The following EXOG variants were observed in gnomAD, a reference collection of about 807,000 sequenced individuals.
EXOG encodes exo/endonuclease G, also known as nuclease EXOG, mitochondrial.
A neutral mutation model predicts 25.8 loss-of-function variants in EXOG; 27 were observed. That is an observed-to-expected ratio of 1.05 (90% CI 0.77 to 1.45). The LOEUF (loss-of-function observed/expected upper bound fraction) is 1.45, where lower values mean the gene tolerates loss of function less well. EXOG is among the 40% of genes most tolerant of loss of function. EXOG has a pLI of 0.00. For synonymous variants in EXOG, 133 were observed against 167.0 expected (o/e 0.80, Z 1.57); for missense variants, 458 against 450.5 (o/e 1.02, Z -0.15).
chr3:38,502,667 A>G (rs2060082959), intron 3 of EXOG, among the ~76,000 whole-genome samples: 1 of 152,206 alleles, frequency 6.6e-6, no homozygotes, highest in Admixed American at 6.5e-5. Flanking sequence ...CAGTAATATT[A>G]TCTAAAATAC....
At chr3:38,499,780 C>T in intron 2 of EXOG, 1 of 393,004 alleles carries the variant, frequency 2.5e-6, no homozygotes, top group Non-Finnish European at 5.0e-6. Flanking sequence ...AAAAGTATAT[C>T]TTTTAAAAAA....
intron 5 of EXOG, among the ~76,000 whole-genome samples, chr3:38,520,089 C>T (rs1424914333): frequency 2.6e-5 from 4 of 152,222 alleles, no homozygotes; most frequent in Non-Finnish European, 4.4e-5. Context: ...ATTTTTTCCT[C>T]TTGATGCTGC....
In EXOG at chr3:38,524,195, A is replaced by AG. The variant is rs1232856703; in HGVS notation, c.941dup (p.Ile316AspfsTer2). 1 of 1,614,202 alleles carries AG rather than the reference A, an allele frequency of 6.2e-7. No individual in the cohort carries two copies. The highest frequency in any genetic ancestry group is 1.7e-5 in the Admixed American group (1 of 60,024). On this transcript the variant is annotated frameshift_variant, in exon 6 of 6. Transcript: ENST00000287675. LOFTEE classifies it low-confidence loss of function (END_TRUNC). ...GGAGTTCACCTTGTACTTGAGTACA[A>AG]GAAAGATTGAAGGAGCCCGATCAGT...
chr3:38,501,809 G>A (rs1295966274), intron 3 of EXOG, among the ~76,000 whole-genome samples: 1 of 152,186 alleles, frequency 6.6e-6, no homozygotes, highest in East Asian at 1.9e-4. Flanking sequence ...ACAGTGGCTT[G>A]ATCTCGGCGC....
chr3:38,525,044 A>G lies in EXOG; in HGVS notation c.*682A>G. ...TTGTTTCTTTTTTCTCCTCTCATGA[A>G]TCTGCTCGTTTCTCTACTTCTGTCT... On this transcript the variant is annotated 3_prime_UTR_variant, in exon 6 of 6. Coordinates refer to ENST00000287675, the MANE Select transcript of EXOG (RefSeq NM_005107.4). 3 of 985,280 alleles carry G rather than the reference A, an allele frequency of 3.0e-6. No individual in the cohort carries two copies. The highest frequency in any genetic ancestry group is 4.7e-5 in the South Asian group (1 of 21,274). 61.0% of individuals were successfully genotyped at this position (985,280 alleles called of 1,614,324 possible). A position where few individuals can be genotyped will look rare whatever the true frequency, so the allele number is the denominator to read the frequency against.
At chr3:38,510,315 C>G (rs2060328742) in intron 5 of EXOG, among the ~76,000 whole-genome samples, 1 of 152,026 alleles carries the variant, frequency 6.6e-6, no homozygotes. Context: ...AGATTAGATC[C>G]TAGACCAGAA....
intron 4 of EXOG, among the ~76,000 whole-genome samples, chr3:38,505,757 C>T (rs2060184324): frequency 6.6e-6 from 1 of 151,800 alleles, no homozygotes; most frequent in Non-Finnish European, 1.5e-5. Context: ...GAGTTGGAGA[C>T]CAGTCTGGGC....
intron 2 of EXOG, among the ~76,000 whole-genome samples, chr3:38,499,146 C>G (rs1214819095): frequency 6.6e-6 from 1 of 152,014 alleles, no homozygotes. Context: ...TGTAAAAGTT[C>G]TTTTATTTAT....
intron 5 of EXOG, among the ~76,000 whole-genome samples, chr3:38,511,433 A>G (rs1049692513): frequency 6.6e-6 from 1 of 152,224 alleles, no homozygotes; most frequent in Non-Finnish European, 1.5e-5. Context: ...AGGAAACTTC[A>G]TTTATACTGA....
At chr3:38,503,914 A>G (rs1416596081) in intron 4 of EXOG, among the ~76,000 whole-genome samples, 1 of 152,234 alleles carries the variant, frequency 6.6e-6, no homozygotes, top group Non-Finnish European at 1.5e-5. Flanking sequence ...CATGTTTGCC[A>G]CTGTTCAAAA....
At chr3:38,502,802 A>G (rs1340408094) in intron 3 of EXOG, among the ~76,000 whole-genome samples, 2 of 152,144 alleles carry the variant, frequency 1.3e-5, no homozygotes, top group Admixed American at 6.5e-5. Context: ...TTTAATCTAG[A>G]ATGATTTCCC....
chr3:38,496,823 T>G, intron 1 of EXOG: 1 of 1,392,680 alleles, frequency 7.2e-7, no homozygotes. Flanking sequence ...TATGTTTTAA[T>G]GTCTGTGTTC....
Position 38,524,210 on chromosome 3 carries a change from GC to G in EXOG, c.958del (p.Arg320AspfsTer13), listed in dbSNP as rs1413764167. 6.2e-7 allele frequency: 1 copy of G among 1,614,036 alleles called. No homozygotes were observed. Among genetic ancestry groups the G allele is most frequent in the Non-Finnish European group, 8.5e-7 (1 of 1,180,010 alleles). On this transcript the variant is annotated frameshift_variant, in exon 6 of 6. Coordinates refer to ENST00000287675, the MANE Select transcript of EXOG (RefSeq NM_005107.4). LOFTEE classifies it low-confidence loss of function (END_TRUNC). Reference protein sequence around the residue: ...LYLSTRKIEGARSVLRLEKIM... With the variant: ...LYLSTRKIEGXRSVLRLEKIM... ...CTTGAGTACAAGAAAGATTGAAGGA[GC>G]CCGATCAGTGCTCAGACTGGAAAAG... is the stretch of plus-strand genomic sequence containing the variant.
chr3:38,509,877 TGAAA>T (rs2060314223), intron 5 of EXOG, among the ~76,000 whole-genome samples: 1 of 152,188 alleles, frequency 6.6e-6, no homozygotes, highest in African/African-American at 2.4e-5. Context: ...TTTGCGAGAA[TGAAA>T]GAGTTATACA....
At chr3:38,516,287 T>G (rs958090264) in intron 5 of EXOG, among the ~76,000 whole-genome samples, 3 of 152,200 alleles carry the variant, frequency 2.0e-5, no homozygotes, top group Non-Finnish European at 4.4e-5. Flanking sequence ...CTGGAAACCC[T>G]ACTTTAATCT....
chr3:38,524,470 T>G lies in EXOG; in HGVS notation c.*108T>G. The G allele has an allele frequency of 6.9e-7, 1 of 1,444,634 alleles. No homozygotes were observed. Among genetic ancestry groups the G allele is most frequent in the Non-Finnish European group, 9.1e-7 (1 of 1,099,808 alleles). 89.5% of individuals were successfully genotyped at this position (1,444,634 alleles called of 1,614,324 possible). A position where few individuals can be genotyped will look rare whatever the true frequency, so the allele number is the denominator to read the frequency against. ...TTTGCTTTTTAAAAAGTTTTTCTCT[T>G]TAAGAGATGTGGTCTCGCCGTGTCA... is the stretch of plus-strand genomic sequence containing the variant. On this transcript the variant is annotated 3_prime_UTR_variant, in exon 6 of 6. Coordinates refer to ENST00000287675, the MANE Select transcript of EXOG (RefSeq NM_005107.4).
At chr3:38,517,903 A>G (rs967864900) in intron 5 of EXOG, among the ~76,000 whole-genome samples, 1 of 152,222 alleles carries the variant, frequency 6.6e-6, no homozygotes, top group African/African-American at 2.4e-5. Flanking sequence ...AAATATCTCC[A>G]TAATAATACT....
At chr3:38,523,310 C>A (rs1020861802) in intron 5 of EXOG, 36 of 1,282,240 alleles carry the variant, frequency 2.8e-5, no homozygotes, top group Admixed American at 9.6e-5. Context: ...TTCCTTTGTC[C>A]TTTGTCCTAC....
At chr3:38,507,555 A>G (rs2060239596) in intron 5 of EXOG, among the ~76,000 whole-genome samples, 1 of 152,246 alleles carries the variant, frequency 6.6e-6, no homozygotes, top group East Asian at 1.9e-4. Flanking sequence ...GCGACTTTCT[A>G]TTCTATGATG....
Sources: allele counts gnomAD v4.1 joint callset (sites outside exome capture counted in the v4.1 genomes callset), GRCh38; gene constraint gnomAD v4.1.1; transcripts MANE v1.5; gene names NCBI Gene and HGNC (gene_info 2026-07-23, HGNC 2026-07-21).